Variants in RBFOX1 observed in about 807,000 individuals in gnomAD.
RBFOX1 encodes RNA binding protein fox-1 homolog 1.
A neutral mutation model predicts 57.7 loss-of-function variants in RBFOX1; 8 were observed. The observed-to-expected ratio is 0.14, with a 90% CI of 0.08 to 0.25. The LOEUF is 0.25. Among genes scored for constraint, RBFOX1 ranks in the 10% least tolerant of loss-of-function variants. The pLI is 1.00. For missense variants in RBFOX1, 611 were observed against 548.5 expected (o/e 1.11, Z -1.14); for synonymous variants, 326 against 222.4 (o/e 1.47, Z -4.15).
chr16:7,620,137 C>G (rs1005701598), intron 10 of RBFOX1, among the ~76,000 whole-genome samples: 1 of 152,164 alleles, frequency 6.6e-6, no homozygotes, highest in African/African-American at 2.4e-5. Flanking sequence ...CAAAGTAAGT[C>G]CTCAGAGCAT....
intron 1 of RBFOX1, among the ~76,000 whole-genome samples, chr16:6,214,771 G>A (rs867618217): frequency 9.2e-6 from 1 of 108,286 alleles, no homozygotes; most frequent in African/African-American, 3.6e-5. Context: ...GAAGGAGAGA[G>A]AGAGAGAGGG....
rs528928162 is a variant in RBFOX1 at position 6,248,271 on chromosome 16, G to A, written c.-126-68724G>A. 2.6e-5 allele frequency among the ~76,000 whole-genome samples: 4 copies of A among 152,266 alleles called. No homozygotes were observed. The East Asian group carries it at 7.7e-4, about 29-fold the overall frequency. On this transcript the variant is annotated intron_variant, in intron 1 of 15. Coordinates refer to ENST00000550418, the MANE Select transcript of RBFOX1 (RefSeq NM_018723.4). ...ACTGGGGGTGGGAGGAGAGGTGGAA[G>A]GCAGGATAGGAAAAAAGAGAGGTGG...
At chr16:6,906,380 T>C (rs1277717906) in intron 3 of RBFOX1, among the ~76,000 whole-genome samples, 1 of 152,002 alleles carries the variant, frequency 6.6e-6, no homozygotes, top group Non-Finnish European at 1.5e-5. Context: ...ACACCGAAAC[T>C]CATAAAAAAT....
intron 2 of RBFOX1, among the ~76,000 whole-genome samples, chr16:6,631,465 T>G (rs1247335205): frequency 1.3e-5 from 2 of 151,912 alleles, no homozygotes; most frequent in African/African-American, 4.8e-5. Flanking sequence ...TAGCAACGTG[T>G]GTAAAAAGCA....
At chr16:6,736,979 A>G (rs1293435410) in intron 3 of RBFOX1, among the ~76,000 whole-genome samples, 1 of 152,162 alleles carries the variant, frequency 6.6e-6, no homozygotes, top group Non-Finnish European at 1.5e-5. Flanking sequence ...TGTGCCCTGT[A>G]TTCGCCACTT....
chr16:7,186,245 A>AACATAAACATATTTATATAAATATAG (rs2083741228), intron 4 of RBFOX1, among the ~76,000 whole-genome samples: 1 of 128,738 alleles, frequency 7.8e-6, no homozygotes, highest in Non-Finnish European at 1.7e-5. Flanking sequence ...TATTTATATA[A>AACATAAACATATTTATATAAATATAG]ACATAAACAT....
chr16:6,949,547 A>T (rs1444695298), intron 3 of RBFOX1, among the ~76,000 whole-genome samples: 6 of 150,494 alleles, frequency 4.0e-5, no homozygotes, highest in South Asian at 4.3e-4. Context: ...TGGTTTACTG[A>T]TGACGATCTT....
In RBFOX1 at chr16:7,637,307, G is replaced by A. The variant is rs1007000968; in HGVS notation, c.757+6624G>A. ...AAAGAAGGAAAAAAAAGATATCATG[G>A]GCAAATGCTTGGGAACCTGAATGTT... On this transcript the variant is annotated intron_variant, in intron 11 of 15. Coordinates refer to ENST00000550418, the MANE Select transcript of RBFOX1 (RefSeq NM_018723.4). 4.6e-5 allele frequency among the ~76,000 whole-genome samples: 7 copies of A among 151,946 alleles called. No individual in the cohort carries two copies. The South Asian group carries it at 1.5e-3, about 32-fold the overall frequency.
intron 4 of RBFOX1, among the ~76,000 whole-genome samples, chr16:7,219,166 A>T (rs1234933881): frequency 6.6e-6 from 1 of 152,142 alleles, no homozygotes; most frequent in African/African-American, 2.4e-5. Flanking sequence ...ATTCACCCCC[A>T]TGAAAATGGA....
intron 2 of RBFOX1, among the ~76,000 whole-genome samples, chr16:5,545,633 G>A (rs757059461): frequency 3.3e-5 from 5 of 151,912 alleles, no homozygotes; most frequent in African/African-American, 9.7e-5. Flanking sequence ...ACAGAAAAAC[G>A]TAAGAATTTA....
intron 4 of RBFOX1, among the ~76,000 whole-genome samples, chr16:6,002,892 C>A (rs2060625555): frequency 6.6e-6 from 1 of 152,144 alleles, no homozygotes; most frequent in Non-Finnish European, 1.5e-5. Flanking sequence ...GATATGCACT[C>A]TACACATACT....
chr16:5,371,190 C>T (rs1424873321), intron 1 of RBFOX1, among the ~76,000 whole-genome samples: 3 of 152,186 alleles, frequency 2.0e-5, no homozygotes, highest in Non-Finnish European at 2.9e-5. Context: ...TCAGGTGATC[C>T]GCCCACCTTG....
chr16:7,374,467 G>C (rs992387108), intron 4 of RBFOX1, among the ~76,000 whole-genome samples: 1 of 152,058 alleles, frequency 6.6e-6, no homozygotes, highest in African/African-American at 2.4e-5. Flanking sequence ...CCAAGATATG[G>C]TGTAACTGTA....
chr16:6,851,514 C>A (rs893130143), intron 3 of RBFOX1, among the ~76,000 whole-genome samples: 2 of 152,112 alleles, frequency 1.3e-5, no homozygotes, highest in African/African-American at 4.8e-5. Context: ...GAAAGATATT[C>A]ACAACATATT....
At chr16:7,057,011 C>G (rs1340364232) in intron 4 of RBFOX1, among the ~76,000 whole-genome samples, 2 of 146,744 alleles carry the variant, frequency 1.4e-5, no homozygotes, top group Non-Finnish European at 3.0e-5. Context: ...CTGGATAAAA[C>G]AACTTCGTTA....
At chr16:7,301,066 T>A (rs1356971536) in intron 4 of RBFOX1, among the ~76,000 whole-genome samples, 2 of 152,218 alleles carry the variant, frequency 1.3e-5, no homozygotes. Context: ...TATGGCTCTT[T>A]CTCAGTCTCT....
intron 2 of RBFOX1, among the ~76,000 whole-genome samples, chr16:6,329,423 C>T (rs956075427): frequency 1.3e-5 from 2 of 152,278 alleles, no homozygotes; most frequent in Admixed American, 6.5e-5. Flanking sequence ...AGTTTGAATT[C>T]CACCCATCTC....
intron 1 of RBFOX1, among the ~76,000 whole-genome samples, chr16:6,233,863 C>A (rs1212985424): frequency 6.6e-6 from 1 of 152,152 alleles, no homozygotes; most frequent in Non-Finnish European, 1.5e-5. Context: ...CATTTTATTA[C>A]CCCTGTCTTA....
chr16:7,466,090 G>C (rs919946026), intron 4 of RBFOX1, among the ~76,000 whole-genome samples: 1 of 152,204 alleles, frequency 6.6e-6, no homozygotes, highest in Non-Finnish European at 1.5e-5. Context: ...GGATTAGCTA[G>C]CCCTGGGGCA....
Sources: gnomAD v4.1 joint callset for allele counts (sites outside exome capture counted in the v4.1 genomes callset) on GRCh38, gnomAD v4.1.1 for gene constraint, MANE v1.5 for transcripts, NCBI Gene and HGNC (gene_info 2026-07-23, HGNC 2026-07-21) for gene names.